The following ST18 variants were observed in gnomAD, a reference collection of about 807,000 sequenced individuals.
The protein encoded by ST18 is suppression of tumorigenicity 18 protein.
ST18 carries 50 observed loss-of-function variants against 110.0 expected under a neutral mutation model. That is an observed-to-expected ratio of 0.45 (90% CI 0.36 to 0.58). The LOEUF (loss-of-function observed/expected upper bound fraction) is 0.58, where lower values mean the gene tolerates loss of function less well. Ranked by LOEUF, ST18 falls within the 20% of genes least tolerant of loss-of-function variation. The pLI, the probability that ST18 is intolerant of heterozygous loss-of-function variation, is 0.00. For synonymous variants in ST18, 461 were observed against 452.4 expected, an observed-to-expected ratio of 1.02 and a Z score of -0.24; for missense variants, 1,306 against 1,280.1, an observed-to-expected ratio of 1.02 and a Z score of -0.31.
chr8:52,333,860 G>A (rs1810787697), intron 2 of ST18, among the ~76,000 whole-genome samples: 1 of 152,182 alleles, frequency 6.6e-6, no homozygotes, highest in South Asian at 2.1e-4. Context: ...AATTGCACAA[G>A]TTTATTGCTT....
At chr8:52,159,669 C>G (rs1272715294) in intron 14 of ST18, among the ~76,000 whole-genome samples, 1 of 152,092 alleles carries the variant, frequency 6.6e-6, no homozygotes, top group Non-Finnish European at 1.5e-5. Flanking sequence ...CTAGATGGAA[C>G]TAAATAGATG....
intron 18 of ST18, 90 bp downstream of exon 18, chr8:52,137,331 C>G (rs773666267): frequency 4.4e-5 from 59 of 1,347,246 alleles, no homozygotes; most frequent in Non-Finnish European, 5.8e-5. Flanking sequence ...TTTCCTGCTT[C>G]AGATAATACA....
chr8:52,274,650 C>T (rs1055109114), intron 2 of ST18, among the ~76,000 whole-genome samples: 1 of 152,176 alleles, frequency 6.6e-6, no homozygotes, highest in East Asian at 1.9e-4. Context: ...CATGCACTGA[C>T]TTGTTTTCAT....
At chr8:52,294,369 C>T (rs2095600299) in intron 2 of ST18, 1 of 152,250 alleles carries the variant, frequency 6.6e-6, no homozygotes. Flanking sequence ...TGCATAATAA[C>T]TGCCTTGAAT....
At chr8:52,317,304 G>T (rs1384925920) in intron 2 of ST18, among the ~76,000 whole-genome samples, 1 of 152,156 alleles carries the variant, frequency 6.6e-6, no homozygotes, top group Non-Finnish European at 1.5e-5. Flanking sequence ...AGACAGAATA[G>T]AATACACAGA....
At chr8:52,176,190 A>AT (rs2066880769) in intron 9 of ST18, among the ~76,000 whole-genome samples, 1 of 151,760 alleles carries the variant, frequency 6.6e-6, no homozygotes, top group African/African-American at 2.4e-5. Flanking sequence ...TCCGGCTAAT[A>AT]TTTTTTGTAT....
intron 8 of ST18, among the ~76,000 whole-genome samples, chr8:52,188,774 C>T (rs2073360925): frequency 1.3e-5 from 2 of 152,046 alleles, no homozygotes; most frequent in Admixed American, 1.3e-4. Flanking sequence ...AATACATTTG[C>T]AAGAGAAAGC....
chr8:52,113,133 C>A lies in ST18; in HGVS notation c.*65G>T. The A allele has an allele frequency of 6.3e-7, 1 of 1,596,098 alleles. No individual in the cohort carries two copies. Among genetic ancestry groups the A allele is most frequent in the South Asian group, 1.1e-5 (1 of 87,830 alleles). Reference sequence around the variant, plus strand: ...CTCCACGCCTTAGCAGTACATGAACCTCTAACAGATCCATCTGGAGTTTAC... The same window carrying A: ...CTCCACGCCTTAGCAGTACATGAACATCTAACAGATCCATCTGGAGTTTAC... On this transcript the variant is annotated 3_prime_UTR_variant, in exon 26 of 26. Transcript: ENST00000689386.
intron 23 of ST18, 60 bp from the exon 24 acceptor site, chr8:52,118,501 A>T: frequency 1.0e-6 from 1 of 982,832 alleles, no homozygotes; most frequent in East Asian, 2.7e-5. Context: ...GAGTCATTAT[A>T]TGTTTAATTT....
intron 8 of ST18, among the ~76,000 whole-genome samples, chr8:52,207,556 T>A (rs1024854850): frequency 6.6e-6 from 1 of 152,164 alleles, no homozygotes; most frequent in African/African-American, 2.4e-5. Flanking sequence ...ATAAAATATT[T>A]AACATTTTAA....
At chr8:52,128,022 T>G (rs1163375349) in intron 22 of ST18, among the ~76,000 whole-genome samples, 1 of 151,892 alleles carries the variant, frequency 6.6e-6, no homozygotes, top group Non-Finnish European at 1.5e-5. Flanking sequence ...CAGGCTGAAG[T>G]GCGCTGGCAC....
intron 2 of ST18, among the ~76,000 whole-genome samples, chr8:52,378,262 A>G (rs193181382): frequency 1.4e-4 from 21 of 152,304 alleles, no homozygotes; most frequent in African/African-American, 4.8e-4. Context: ...GAATGTTCCT[A>G]ATACAAAGAA....
intron 2 of ST18, among the ~76,000 whole-genome samples, chr8:52,282,961 T>C (rs912700096): frequency 1.3e-5 from 2 of 152,158 alleles, no homozygotes; most frequent in African/African-American, 2.4e-5. Context: ...CTCTGGCTAC[T>C]GTGCCACGAA....
intron 3 of ST18, among the ~76,000 whole-genome samples, chr8:52,226,560 G>T (rs2089500118): frequency 6.6e-6 from 1 of 152,110 alleles, no homozygotes; most frequent in African/African-American, 2.4e-5. Flanking sequence ...TAATGAACCT[G>T]CCTGGGTCTG....
chr8:52,167,286 C>T (rs1011635016), intron 10 of ST18, among the ~76,000 whole-genome samples: 1 of 152,178 alleles, frequency 6.6e-6, no homozygotes, highest in African/African-American at 2.4e-5. Flanking sequence ...AAAATCAACC[C>T]TGTGCTAGGG....
chr8:52,222,019 A>G (rs1461269646), intron 3 of ST18: 3 of 152,128 alleles, frequency 2.0e-5, no homozygotes, highest in Non-Finnish European at 2.9e-5. Flanking sequence ...TTTGTTTGCC[A>G]TACACTAACC....
At chr8:52,372,883 G>A (rs527895963) in intron 2 of ST18, among the ~76,000 whole-genome samples, 1 of 152,182 alleles carries the variant, frequency 6.6e-6, no homozygotes, top group African/African-American at 2.4e-5. Flanking sequence ...ATGAAGCTGG[G>A]TAATGGGTAG....
chr8:52,366,245 A>G (rs1590292960), intron 2 of ST18, among the ~76,000 whole-genome samples: 1 of 151,714 alleles, frequency 6.6e-6, no homozygotes, highest in Non-Finnish European at 1.5e-5. Flanking sequence ...CTGCTTACCT[A>G]CCTCTGAGCT....
chr8:52,128,451 T>A (rs2047941009), intron 22 of ST18, among the ~76,000 whole-genome samples: 1 of 152,212 alleles, frequency 6.6e-6, no homozygotes, highest in African/African-American at 2.4e-5. Flanking sequence ...GCTACAAACA[T>A]CCATAATTGT....
Sources: gnomAD v4.1 joint callset for allele counts (sites outside exome capture counted in the v4.1 genomes callset) on GRCh38, gnomAD v4.1.1 for gene constraint, MANE v1.5 for transcripts, NCBI Gene and HGNC (gene_info 2026-07-23, HGNC 2026-07-21) for gene names.